GDF5: variants seen among roughly 807,000 people sequenced by gnomAD.
GDF5 encodes growth differentiation factor 5.
A neutral mutation model predicts 34.6 loss-of-function variants in GDF5; 17 were observed. That is an observed-to-expected ratio of 0.49 (90% CI 0.34 to 0.74). The LOEUF (loss-of-function observed/expected upper bound fraction) is 0.74, where lower values mean the gene tolerates loss of function less well. GDF5 is among the 30% of genes least tolerant of loss of function. The probability of loss-of-function intolerance (pLI) is 0.01; values close to 1 mark genes in which losing one functional copy is unlikely to be tolerated. For missense variants in GDF5, 616 were observed against 661.2 expected (o/e 0.93, Z 0.75); for synonymous variants, 332 against 290.7 (o/e 1.14, Z -1.44).
intron 1 of GDF5, among the ~76,000 whole-genome samples, chr20:35,444,257 G>C (rs986328213): frequency 2.6e-5 from 4 of 152,322 alleles, no homozygotes; most frequent in African/African-American, 9.6e-5. Flanking sequence ...ACACATAAGA[G>C]AATGCTAAGT....
chr20:35,443,823 A>G (rs2062505816), intron 1 of GDF5, among the ~76,000 whole-genome samples: 1 of 152,132 alleles, frequency 6.6e-6, no homozygotes, highest in African/African-American at 2.4e-5. Flanking sequence ...CCAGATTATT[A>G]TTATCCCTTT....
In GDF5 at chr20:35,434,308, C is replaced by A. The variant is rs769550242; in HGVS notation, c.1107G>T (p.Val369=). The change falls in exon 2 of 2, where the codon GTG becomes GTT. Residue 369 remains valine (V), a synonymous_variant. Coordinates refer to ENST00000374369, the MANE Select transcript of GDF5 (RefSeq NM_000557.5). ...GCCGCTGGCTGAACAGGTACTCATA[C>A]ACGGTCTTATCGTCCTGGCCAGAGC... ...KARSGQDDKT[V]YEYLFSQRRK... The A allele has an allele frequency of 6.2e-7, 1 of 1,614,154 alleles. No homozygotes were observed. The highest frequency in any genetic ancestry group is 1.7e-5 in the Admixed American group (1 of 60,026).
chr20:35,438,042 C>T lies in GDF5; in HGVS notation c.-114G>A. 2 of 1,193,364 alleles carry T rather than the reference C, an allele frequency of 1.7e-6. No individual in the cohort carries two copies. The allele number at this position is 1,193,364 out of a possible 1,614,324, so 73.9% of individuals were successfully genotyped here. A position where few individuals can be genotyped will look rare whatever the true frequency, so the allele number is the denominator to read the frequency against. On this transcript the variant is annotated 5_prime_UTR_variant, in exon 1 of 2. Coordinates refer to ENST00000374369, the MANE Select transcript of GDF5 (RefSeq NM_000557.5). ...GGACTTTCAAAAGCAGCGGCAGCAG[C>T]AGTAGCAGCAGAAGGAAAGGCTTTC...
rs767789406 is a variant in GDF5 at position 35,437,717 on chromosome 20, TTGG to T, written c.209_211del (p.Thr70del). On this transcript the variant is annotated inframe_deletion, in exon 1 of 2. Coordinates refer to ENST00000374369, the MANE Select transcript of GDF5 (RefSeq NM_000557.5). Reference sequence around the variant, plus strand: ...GCCTCCCTTTGCCCTGGCATTGGCATTGGTGGCCCCCCCACCATAGCTGTGACC... The same window carrying T: ...GCCTCCCTTTGCCCTGGCATTGGCATTGGCCCCCCCACCATAGCTGTGACC... The T allele has an allele frequency of 1.2e-6, 2 of 1,613,818 alleles. No individual in the cohort carries two copies. Among genetic ancestry groups the T allele is most frequent in the Non-Finnish European group, 1.7e-6 (2 of 1,179,864 alleles).
Position 35,434,656 on chromosome 20 carries a change from C to T in GDF5, c.759G>A (p.Ala253=), listed in dbSNP as rs749839438. The T allele has an allele frequency of 1.9e-6, 3 of 1,609,964 alleles. No homozygotes were observed. The highest frequency in any genetic ancestry group is 1.7e-4 in the Middle Eastern group (1 of 6,052). ...RKKPSDTAKP[A]APGGGRAAQL... ...GGGCAGCCCGCCCGCCTCCGGGGGC[C>T]GCTGGCTTGGCCGTGTCCGAGGGCT... is the stretch of plus-strand genomic sequence containing the variant. The change falls in exon 2 of 2, where the codon GCG becomes GCA. Residue 253 remains alanine (A), a synonymous_variant. Transcript: ENST00000374369.
At chr20:35,449,121 C>T (rs891003053) in intron 1 of GDF5, among the ~76,000 whole-genome samples, 1 of 152,122 alleles carries the variant, frequency 6.6e-6, no homozygotes, top group East Asian at 1.9e-4. Flanking sequence ...GCCACCACCC[C>T]ACCCCTGCCA....
intron 1 of GDF5, among the ~76,000 whole-genome samples, chr20:35,444,621 G>T (rs1263345324): frequency 1.3e-5 from 2 of 152,184 alleles, no homozygotes; most frequent in Non-Finnish European, 2.9e-5. Flanking sequence ...TGAGACAAGA[G>T]TCTTGCTCTG....
chr20:35,433,813 T>TTA lies in GDF5; in HGVS notation c.*95_*96insTA, dbSNP rs2062453602. On this transcript the variant is annotated 3_prime_UTR_variant, in exon 2 of 2. Transcript: ENST00000374369. ...TCCCCTTTCACCCAAGCTGTGTAGA[T>TTA]GCTCCTGCCACAGCTTCCTGACCCC... 3 of 1,031,876 alleles carry TTA rather than the reference T, an allele frequency of 2.9e-6. No individual in the cohort carries two copies. The highest frequency in any genetic ancestry group is 4.6e-6 in the Non-Finnish European group (3 of 651,988). 63.9% of individuals were successfully genotyped at this position (1,031,876 alleles called of 1,614,324 possible).
chr20:35,438,629 C>T (rs537846563), upstream of GDF5, among the ~76,000 whole-genome samples: 6 of 152,310 alleles, frequency 3.9e-5, no homozygotes, highest in East Asian at 7.7e-4. Context: ...TCCCCCTCCA[C>T]AGGGCAGACT....
chr20:35,436,352 C>T (rs890715495), intron 1 of GDF5, among the ~76,000 whole-genome samples: 4 of 150,486 alleles, frequency 2.7e-5, no homozygotes, highest in African/African-American at 9.8e-5. Context: ...CCCCTCCAGG[C>T]CAGCTCTAAT....
chr20:35,434,423 C>T lies in GDF5; in HGVS notation c.992G>A (p.Arg331His), dbSNP rs1046039478. 3 of 1,613,504 alleles carry T rather than the reference C, an allele frequency of 1.9e-6. No homozygotes were observed. Among genetic ancestry groups the T allele is most frequent in the East Asian group, 4.5e-5 (2 of 44,874 alleles). The part of the protein sequence containing the change: ...AVDLRGLGFD[R>H]AARQVHEKAL... ...TTTCTCGTGGACCTGCCGGGCGGCG[C>T]GGTCGAAGCCCAGGCCACGGAGGTC... The change falls in exon 2 of 2, where the codon CGC becomes CAC. Residue 331 changes from arginine (R) to histidine (H), a missense_variant. By Grantham distance (29) the Arg-to-His change is conservative. Transcript: ENST00000374369.
chr20:35,440,855 G>A (rs971640990), upstream of GDF5, among the ~76,000 whole-genome samples: 1 of 152,118 alleles, frequency 6.6e-6, no homozygotes, highest in South Asian at 2.1e-4. Context: ...TTGGCAGAGG[G>A]CCCAGCCCAC....
upstream of GDF5, among the ~76,000 whole-genome samples, chr20:35,439,782 C>T (rs1210846802): frequency 2.0e-5 from 3 of 152,054 alleles, no homozygotes; most frequent in African/African-American, 7.2e-5. Flanking sequence ...AATTTACCTC[C>T]TTCGGGAAGC....
At chr20:35,450,499 G>A (rs2062527697) in intron 1 of GDF5, among the ~76,000 whole-genome samples, 1 of 152,040 alleles carries the variant, frequency 6.6e-6, no homozygotes, top group Non-Finnish European at 1.5e-5. Context: ...AGGAAGATGG[G>A]GGTGGGAAAA....
chr20:35,439,269 G>C (rs563200652), upstream of GDF5, among the ~76,000 whole-genome samples: 2 of 139,316 alleles, frequency 1.4e-5, no homozygotes, highest in Non-Finnish European at 3.0e-5. Flanking sequence ...ACGGAGTCTC[G>C]CTCTGTCGAG....
intron 1 of GDF5, among the ~76,000 whole-genome samples, chr20:35,435,748 C>T (rs1028237388): frequency 1.3e-5 from 2 of 152,116 alleles, no homozygotes; most frequent in South Asian, 2.1e-4. Context: ...TCTTACTCTC[C>T]TGAGCATGTG....
At chr20:35,450,208 A>C (rs2063504191) in intron 1 of GDF5, among the ~76,000 whole-genome samples, 1 of 150,920 alleles carries the variant, frequency 6.6e-6, no homozygotes, top group South Asian at 2.1e-4. Context: ...CAGGAGGCTG[A>C]GGCACGAGGA....
upstream of GDF5, among the ~76,000 whole-genome samples, chr20:35,439,673 A>C (rs1857602125): frequency 6.6e-6 from 1 of 152,046 alleles, no homozygotes; most frequent in African/African-American, 2.4e-5. Flanking sequence ...AACTTAACAC[A>C]GGGTCAGCGG....
chr20:35,447,204 T>C (rs2062516832), intron 1 of GDF5, among the ~76,000 whole-genome samples: 1 of 151,116 alleles, frequency 6.6e-6, no homozygotes, highest in Non-Finnish European at 1.5e-5. Context: ...CCCTTCCCCC[T>C]CCCCCCACCT....
Sources: allele counts gnomAD v4.1 joint callset (sites outside exome capture counted in the v4.1 genomes callset), GRCh38; gene constraint gnomAD v4.1.1; transcripts MANE v1.5; gene names NCBI Gene and HGNC (gene_info 2026-07-23, HGNC 2026-07-21).